The following MAP7 variants were observed in gnomAD, a reference collection of about 807,000 sequenced individuals.
The protein encoded by MAP7 is ensconsin.
MAP7 carries 52 observed loss-of-function variants against 94.8 expected under a neutral mutation model. The observed-to-expected ratio is 0.55, with a 90% CI of 0.44 to 0.69. The LOEUF (loss-of-function observed/expected upper bound fraction) is 0.69. Ranked by LOEUF, MAP7 falls within the 30% of genes least tolerant of loss-of-function variation. The pLI, the probability that MAP7 is intolerant of heterozygous loss-of-function variation, is 0.00. For missense variants in MAP7, 940 were observed against 964.6 expected (o/e 0.97, Z 0.34); for synonymous variants, 350 against 357.0 (o/e 0.98, Z 0.22).
At chr6:136,489,238 GT>G (rs1815759825) in intron 1 of MAP7, among the ~76,000 whole-genome samples, 1 of 151,968 alleles carries the variant, frequency 6.6e-6, no homozygotes, top group Non-Finnish European at 1.5e-5. Flanking sequence ...ACCAATGCAT[GT>G]TGTACTGACA....
chr6:136,533,836 GCC>G lies in MAP7; in HGVS notation c.67+16504_67+16505del, dbSNP rs1292683480. Among the ~76,000 whole-genome samples, 4 of 152,184 alleles carry G rather than the reference GCC, an allele frequency of 2.6e-5. 1 individual carries two copies. Among genetic ancestry groups the G allele is most frequent in the African/African-American group, 9.6e-5 (4 of 41,532 alleles). Reference sequence around the variant, plus strand: ...GCCATTCATAAGATCGGCTCCCATGGCCCAGACATATCCCACTAGGTCTGCCT... The same window carrying G: ...GCCATTCATAAGATCGGCTCCCATGGCAGACATATCCCACTAGGTCTGCCT... On this transcript the variant is annotated intron_variant, in intron 1 of 17. Coordinates refer to ENST00000354570, the MANE Select transcript of MAP7 (RefSeq NM_003980.6).
intron 1 of MAP7, among the ~76,000 whole-genome samples, chr6:136,513,717 A>C (rs1247376523): frequency 6.6e-6 from 1 of 152,180 alleles, no homozygotes; most frequent in Non-Finnish European, 1.5e-5. Flanking sequence ...TGTACTCAGA[A>C]GTGGCCAACC....
At chr6:136,402,628 C>T (rs1314443875) in intron 3 of MAP7, among the ~76,000 whole-genome samples, 4 of 152,096 alleles carry the variant, frequency 2.6e-5, no homozygotes, top group Non-Finnish European at 4.4e-5. Context: ...GACTTACTGC[C>T]GGGCACGGTG....
In MAP7 at chr6:136,489,169, TG is replaced by T. The variant is rs538590236; in HGVS notation, c.67+61172del. Among the ~76,000 whole-genome samples, 533 of 135,830 alleles carry T rather than the reference TG, an allele frequency of 3.9e-3. 5 individuals are homozygous for T. The highest frequency in any genetic ancestry group is 0.016 in the African/African-American group (510 of 31,136). The allele number at this position is 135,830 out of a possible 152,430, so 89.1% of individuals were successfully genotyped here. Reference sequence around the variant, plus strand: ...CTCTACCTTCCAAGAGTAGACTAGTTGTATTTTTTTTTTATGAGATTTCATA... The same window carrying T: ...CTCTACCTTCCAAGAGTAGACTAGTTTATTTTTTTTTTATGAGATTTCATA... On this transcript the variant is annotated intron_variant, in intron 1 of 17. Transcript: ENST00000354570.
chr6:136,501,091 A>G (rs1819702773), intron 1 of MAP7, among the ~76,000 whole-genome samples: 1 of 152,258 alleles, frequency 6.6e-6, no homozygotes, highest in South Asian at 2.1e-4. Flanking sequence ...GAAAAGAAAA[A>G]TAAAGAATAA....
At chr6:136,524,606 C>T (rs1235095890) in intron 1 of MAP7, among the ~76,000 whole-genome samples, 1 of 152,190 alleles carries the variant, frequency 6.6e-6, no homozygotes, top group Non-Finnish European at 1.5e-5. Context: ...TAAAAATCAA[C>T]TACAGTAGTA....
rs1330466581 is a variant in MAP7, at chr6:136,342,836, T to C, written c.*1392A>G. The stretch of plus-strand genomic sequence containing the variant: ...TTTCTTTTCTAATATAATGACTATG[T>C]GTACATGGACAACTGAAAACAGGGA... On this transcript the variant is annotated 3_prime_UTR_variant, in exon 18 of 18. Coordinates refer to ENST00000354570, the MANE Select transcript of MAP7 (RefSeq NM_003980.6). The C allele has an allele frequency of 6.6e-6, 1 of 152,250 alleles. No homozygotes were observed. Among genetic ancestry groups the C allele is most frequent in the East Asian group, 1.9e-4 (1 of 5,198 alleles). The allele number at this position is 152,250 out of a possible 1,614,324, so 9.4% of individuals were successfully genotyped here.
At chr6:136,459,500 A>T (rs1000097718) in intron 1 of MAP7, among the ~76,000 whole-genome samples, 1 of 152,190 alleles carries the variant, frequency 6.6e-6, no homozygotes, top group Non-Finnish European at 1.5e-5. Flanking sequence ...AAGATATGGA[A>T]ACAAATTAAT....
intron 1 of MAP7, among the ~76,000 whole-genome samples, chr6:136,434,076 G>T (rs1323833879): frequency 6.6e-6 from 1 of 152,094 alleles, no homozygotes; most frequent in Non-Finnish European, 1.5e-5. Flanking sequence ...GGGTGCCAGG[G>T]CGAGTGGATC....
chr6:136,344,099 T>A lies in MAP7; in HGVS notation c.*129A>T. The A allele has an allele frequency of 2.4e-6, 1 of 410,442 alleles. No homozygotes were observed. The allele number at this position is 410,442 out of a possible 1,614,324, so 25.4% of individuals were successfully genotyped here. On this transcript the variant is annotated 3_prime_UTR_variant, in exon 18 of 18. Transcript: ENST00000354570. ...GTTGTCTTTAGCTAGTTTTAATAAA[T>A]CTTTTCAAAATGATGGTCAAGAACT...
At chr6:136,409,998 G>A (rs1786923843) in intron 3 of MAP7, among the ~76,000 whole-genome samples, 1 of 152,174 alleles carries the variant, frequency 6.6e-6, no homozygotes, top group Non-Finnish European at 1.5e-5. Flanking sequence ...GCTCAAAGCT[G>A]TAAGTCTTAC....
intron 1 of MAP7, among the ~76,000 whole-genome samples, chr6:136,539,968 G>C (rs1017172074): frequency 2.0e-5 from 3 of 152,178 alleles, no homozygotes; most frequent in African/African-American, 7.2e-5. Flanking sequence ...GACAGAGCGA[G>C]ACCCTGTCTC....
intron 6 of MAP7, among the ~76,000 whole-genome samples, chr6:136,383,318 CAA>C (rs971417581): frequency 2.0e-5 from 3 of 152,084 alleles, no homozygotes; most frequent in African/African-American, 7.2e-5. Context: ...GATGAAAAGC[CAA>C]AGACAGTATG....
Position 136,366,380 on chromosome 6 carries a change from C to T in MAP7, c.936G>A (p.Arg312=). 1.2e-6 allele frequency: 2 copies of T among 1,614,140 alleles called. No homozygotes were observed. The highest frequency in any genetic ancestry group is 2.2e-5 in the South Asian group (2 of 91,078). Residue 312 remains arginine (R), a synonymous_variant, in exon 9 of 18, where the codon AGG becomes AGA. Transcript: ENST00000354570. ...CTTTGGGATTAGATGGAGATACAGCCCTTCGGGTGCCAGATGTGAGGAAGA... is the reference window on the plus strand; with the variant it reads ...CTTTGGGATTAGATGGAGATACAGCTCTTCGGGTGCCAGATGTGAGGAAGA... ...NVLFLTSGTR[R]AVSPSNPKAR...
At chr6:136,423,884 C>A (rs1046145493) in intron 1 of MAP7, among the ~76,000 whole-genome samples, 7 of 151,702 alleles carry the variant, frequency 4.6e-5, no homozygotes, top group African/African-American at 9.7e-5. Context: ...GCAACCCCCG[C>A]CTCCCGGGTT....
intron 2 of MAP7, among the ~76,000 whole-genome samples, chr6:136,411,960 A>T (rs1787618644): frequency 6.6e-6 from 1 of 152,330 alleles, no homozygotes; most frequent in East Asian, 1.9e-4. Context: ...TTCATCAAAC[A>T]ATATAAATGA....
intron 1 of MAP7, among the ~76,000 whole-genome samples, chr6:136,504,846 AT>A (rs1481424062): frequency 6.6e-6 from 1 of 151,904 alleles, no homozygotes; most frequent in Non-Finnish European, 1.5e-5. Context: ...CGCCTGGCTA[AT>A]TTTTGTATTT....
chr6:136,384,278 A>G (rs1778567777), intron 5 of MAP7, among the ~76,000 whole-genome samples: 1 of 152,178 alleles, frequency 6.6e-6, no homozygotes, highest in African/African-American at 2.4e-5. Context: ...TTATAGAAGA[A>G]GGCTCGTTGT....
chr6:136,533,009 A>G (rs943102543), intron 1 of MAP7, among the ~76,000 whole-genome samples: 5 of 152,222 alleles, frequency 3.3e-5, no homozygotes, highest in Non-Finnish European at 4.4e-5. Context: ...ACTGATATAC[A>G]TGCCTGTAAT....
Sources: allele counts gnomAD v4.1 joint callset (sites outside exome capture counted in the v4.1 genomes callset), GRCh38; gene constraint gnomAD v4.1.1; transcripts MANE v1.5; gene names NCBI Gene and HGNC (gene_info 2026-07-23, HGNC 2026-07-21).